Variants in TBC1D16 observed in about 807,000 individuals in gnomAD.
TBC1D16 encodes TBC1 domain family member 16, also known as CTD-2529O21.1.
TBC1D16 carries 58 observed loss-of-function variants against 74.7 expected under a neutral mutation model. The ratio of observed to expected loss-of-function variants is 0.78; its 90% CI spans 0.63 to 0.97. TBC1D16 has a LOEUF of 0.97. Ranked by LOEUF, TBC1D16 falls within the 50% of genes least tolerant of loss-of-function variation. The pLI, the probability that TBC1D16 is intolerant of heterozygous loss-of-function variation, is 0.00. For synonymous variants in TBC1D16, 493 were observed against 474.7 expected (o/e 1.04, Z -0.50); for missense variants, 1,014 against 1,079.5 (o/e 0.94, Z 0.85).
At position 79,950,260 on chromosome 17, in the gene TBC1D16, C is replaced by A; in HGVS notation, c.1257+151G>T. The A allele has an allele frequency of 1.2e-6, 1 of 825,080 alleles. No homozygotes were observed. The highest frequency in any genetic ancestry group is 1.8e-6 in the Non-Finnish European group (1 of 546,596). The allele number at this position is 825,080 out of a possible 1,614,324, so 51.1% of individuals were successfully genotyped here. A position where few individuals can be genotyped will look rare whatever the true frequency, so the allele number is the denominator to read the frequency against. On this transcript the variant is annotated intron_variant, in intron 6 of 11. Transcript: ENST00000310924. This position sits in a 1 kb window ranked among gnomAD's most constrained non-coding sequence, Gnocchi z 4.6. ...TTTGATTGCTTTATCGGTGTGTTCA[C>A]AGAGAGCCTCACACAAGAAAACGGG...
rs1181744297 is a variant in TBC1D16, at chr17:79,948,861, G to T, written c.1541+11C>A. ...TGCAGATGGGAAAGGAGCTGGCTGG[G>T]GAGGGAGTACCTCATGCTCTCCACA... On this transcript the variant is annotated intron_variant, in intron 8 of 11. Coordinates refer to ENST00000310924, the MANE Select transcript of TBC1D16 (RefSeq NM_019020.4). 1 of 1,614,044 alleles carries T rather than the reference G, an allele frequency of 6.2e-7. No individual in the cohort carries two copies. The highest frequency in any genetic ancestry group is 8.5e-7 in the Non-Finnish European group (1 of 1,179,952).
At chr17:79,952,275 T>A (rs1385602707) in intron 4 of TBC1D16, 1 of 181,206 alleles carries the variant, frequency 5.5e-6, no homozygotes, top group African/African-American at 2.3e-5. Flanking sequence ...GAAGGGAGCC[T>A]CCATCCGGAA....
Position 79,961,727 on chromosome 17 carries a change from G to A in TBC1D16, c.780-8909C>T, listed in dbSNP as rs1426675263. 2.0e-5 allele frequency among the ~76,000 whole-genome samples: 3 copies of A among 152,164 alleles called. No individual in the cohort carries two copies. The highest frequency in any genetic ancestry group is 2.9e-5 in the Non-Finnish European group (2 of 68,034). On this transcript the variant is annotated intron_variant, in intron 3 of 11. Coordinates refer to ENST00000310924, the MANE Select transcript of TBC1D16 (RefSeq NM_019020.4). This position sits in a 1 kb window ranked among gnomAD's most constrained non-coding sequence, Gnocchi z 4.8. ...AAATACAAAAAATCAGCCAGACGTG[G>A]TGGCGGGCGCCTATAATCCCAGCTA...
At position 79,951,614 on chromosome 17, in the gene TBC1D16, A is replaced by AG. The variant is rs1568581984; in HGVS notation, c.942-18dup. On this transcript the variant is annotated splice_polypyrimidine_tract_variant and intron_variant, in intron 4 of 11. Coordinates refer to ENST00000310924, the MANE Select transcript of TBC1D16 (RefSeq NM_019020.4). ...GCCTCGTCGCTGAAGGGCCATTGGA[A>AG]GGGGGAGAGGGAAGCCCGATGAATA... is the stretch of plus-strand genomic sequence containing the variant. The AG allele has an allele frequency of 1.2e-6, 2 of 1,609,566 alleles. No homozygotes were observed. The highest frequency in any genetic ancestry group is 4.5e-5 in the East Asian group (2 of 44,754).
intron 1 of TBC1D16, among the ~76,000 whole-genome samples, chr17:80,030,042 G>A (rs1404013378): frequency 6.6e-6 from 1 of 152,074 alleles, no homozygotes; most frequent in Non-Finnish European, 1.5e-5. Context: ...TCCTGCGATT[G>A]CATCAGGCCC....
intron 4 of TBC1D16, chr17:79,951,864 A>G: frequency 2.9e-6 from 1 of 347,088 alleles, no homozygotes; most frequent in Non-Finnish European, 5.3e-6. Flanking sequence ...TCTCCCCACC[A>G]CCCCCTGCCC....
At chr17:80,025,605 T>C (rs2036555831) in intron 1 of TBC1D16, among the ~76,000 whole-genome samples, 1 of 142,370 alleles carries the variant, frequency 7.0e-6, no homozygotes, top group Non-Finnish European at 1.6e-5. Context: ...ACCTCCTTGC[T>C]GGAAGCACCC....
chr17:79,973,689 G>A (rs1215991624), intron 3 of TBC1D16, among the ~76,000 whole-genome samples: 17 of 148,706 alleles, frequency 1.1e-4, no homozygotes, highest in African/African-American at 3.0e-4. Context: ...CAGCCCAGGC[G>A]ACAGAGCGAG....
In TBC1D16 at chr17:79,950,565, T is replaced by TC; in HGVS notation, c.1102dup (p.Asp368GlyfsTer2). ...GATGGAGAACTGCATGCATGTCTTA[T>TC]CGGGGGCGACCTGCTGGACGGGAGG... On this transcript the variant is annotated frameshift_variant, in exon 6 of 12. Coordinates refer to ENST00000310924, the MANE Select transcript of TBC1D16 (RefSeq NM_019020.4). LOFTEE classifies it high-confidence loss of function. The surrounding 1 kb of genome is among the most constrained non-coding windows in gnomAD (Gnocchi z 4.6). 6.2e-7 allele frequency: 1 copy of TC among 1,612,548 alleles called. No homozygotes were observed. The highest frequency in any genetic ancestry group is 1.7e-5 in the Admixed American group (1 of 59,884).
intron 1 of TBC1D16, among the ~76,000 whole-genome samples, chr17:80,027,555 G>A (rs1407385746): frequency 3.3e-5 from 5 of 151,762 alleles, no homozygotes; most frequent in East Asian, 1.9e-4. Flanking sequence ...CTGTACTTGC[G>A]CCACTGCACT....
chr17:80,024,198 C>T (rs943103141), intron 1 of TBC1D16, among the ~76,000 whole-genome samples: 1 of 149,824 alleles, frequency 6.7e-6, no homozygotes, highest in Non-Finnish European at 1.5e-5. Context: ...AGGACTGCAG[C>T]GGGGCACGCC....
At position 79,971,657 on chromosome 17, in the gene TBC1D16, A is replaced by C. The variant is rs1019631560; in HGVS notation, c.780-18839T>G. Among the ~76,000 whole-genome samples, 12 of 152,050 alleles carry C rather than the reference A, an allele frequency of 7.9e-5. No homozygotes were observed. Among genetic ancestry groups the C allele is most frequent in the Non-Finnish European group, 1.2e-4 (8 of 68,016 alleles). ...TTGACTCATAAAAGTAGAGTCAATC[A>C]CTCTTCTCTACAACAGTCAACTTCT... is the stretch of plus-strand genomic sequence containing the variant. On this transcript the variant is annotated intron_variant, in intron 3 of 11. Coordinates refer to ENST00000310924, the MANE Select transcript of TBC1D16 (RefSeq NM_019020.4). This position sits in a 1 kb window ranked among gnomAD's most constrained non-coding sequence, Gnocchi z 4.6.
intron 3 of TBC1D16, among the ~76,000 whole-genome samples, chr17:79,968,048 A>T (rs750531993): frequency 1.3e-5 from 2 of 152,254 alleles, no homozygotes; most frequent in Non-Finnish European, 2.9e-5. Context: ...GCTACAGTGC[A>T]GTGGCGAGAT....
intron 1 of TBC1D16, among the ~76,000 whole-genome samples, chr17:80,028,624 T>C (rs2036669304): frequency 7.3e-6 from 1 of 136,114 alleles, no homozygotes; most frequent in Non-Finnish European, 1.6e-5. Context: ...TGATGACCAG[T>C]TGATTTTTTT....
At chr17:79,942,309 A>AGGGGTCT (rs1056674393) in intron 10 of TBC1D16, 103 bp from the exon 11 acceptor site, 2 of 1,301,546 alleles carry the variant, frequency 1.5e-6, no homozygotes, top group African/African-American at 2.9e-5. Flanking sequence ...CTCCAGGGCG[A>AGGGGTCT]GGGGTCTGGG....
Position 80,010,829 on chromosome 17 carries a change from C to T in TBC1D16, c.182-72G>A, listed in dbSNP as rs969710920. On this transcript the variant is annotated intron_variant, in intron 2 of 11. Coordinates refer to ENST00000310924, the MANE Select transcript of TBC1D16 (RefSeq NM_019020.4). The surrounding 1 kb of genome is among the most constrained non-coding windows in gnomAD (Gnocchi z 8.8). Reference sequence around the variant, plus strand: ...GATGAGGCCCTTGTGGTACCTTTGGCGAGCTGCTCGGAGAGGCCACTGCCC... The same window carrying T: ...GATGAGGCCCTTGTGGTACCTTTGGTGAGCTGCTCGGAGAGGCCACTGCCC... 3.5e-4 allele frequency: 418 copies of T among 1,204,398 alleles called. 1 individual carries two copies. Among genetic ancestry groups the T allele is most frequent in the Non-Finnish European group, 4.3e-4 (389 of 898,072 alleles). 74.6% of individuals were successfully genotyped at this position (1,204,398 alleles called of 1,614,324 possible). A position where few individuals can be genotyped will look rare whatever the true frequency, so the allele number is the denominator to read the frequency against.
chr17:80,032,243 C>T (rs1327866018), intron 1 of TBC1D16, among the ~76,000 whole-genome samples: 2 of 152,206 alleles, frequency 1.3e-5, no homozygotes, highest in Non-Finnish European at 2.9e-5. Flanking sequence ...CACATCTCAG[C>T]GTCTGCAGCC....
In TBC1D16 at chr17:79,995,591, C is replaced by CT. The variant is rs1297745494; in HGVS notation, c.779+14568dup. 2.8e-4 allele frequency among the ~76,000 whole-genome samples: 41 copies of CT among 146,288 alleles called. No individual in the cohort carries two copies. In the Admixed American group the frequency reaches 2.9e-3, roughly 10 times the overall value. Reference sequence around the variant, plus strand: ...ACGAGGTCAGGAGATCAAGATCATCCTGGCTAACACAGTGAAACCCCGTCT... The same window carrying CT: ...ACGAGGTCAGGAGATCAAGATCATCCTTGGCTAACACAGTGAAACCCCGTCT... On this transcript the variant is annotated intron_variant, in intron 3 of 11. Coordinates refer to ENST00000310924, the MANE Select transcript of TBC1D16 (RefSeq NM_019020.4).
At chr17:79,991,846 A>C (rs1440558900) in intron 3 of TBC1D16, 1 of 121,254 alleles carries the variant, frequency 8.2e-6, no homozygotes, top group East Asian at 2.8e-4. Flanking sequence ...ACGCAGATGG[A>C]GTTTGCAAGG....
Sources: allele counts gnomAD v4.1 joint callset (sites outside exome capture counted in the v4.1 genomes callset), GRCh38; gene constraint gnomAD v4.1.1; non-coding constraint Gnocchi (gnomAD v3.1); transcripts MANE v1.5; gene names NCBI Gene and HGNC (gene_info 2026-07-23, HGNC 2026-07-21).